BCL9L: variants seen among roughly 807,000 people sequenced by gnomAD.
The protein encoded by BCL9L is BCL9 like.
A neutral mutation model predicts 99.4 loss-of-function variants in BCL9L; 19 were observed. That is an observed-to-expected ratio of 0.19 (90% CI 0.13 to 0.28). BCL9L has a LOEUF of 0.28. BCL9L is among the 10% of genes least tolerant of loss of function. The probability of loss-of-function intolerance (pLI) is 1.00; values close to 1 mark genes in which losing one functional copy is unlikely to be tolerated. For missense variants in BCL9L, 2,023 were observed against 2,101.6 expected (o/e 0.96, Z 0.73); for synonymous variants, 900 against 854.8 (o/e 1.05, Z -0.92).
chr11:118,903,290 G>A lies in BCL9L; in HGVS notation c.695C>T (p.Pro232Leu). 1.3e-6 allele frequency: 2 copies of A among 1,580,182 alleles called. No homozygotes were observed. The highest frequency in any genetic ancestry group is 2.3e-5 in the South Asian group (2 of 86,934). ...PGGGGGGGGV[P>L]GKPPSQFVYV... ...TACGAACTGCGAGGGAGGCTTTCCG[G>A]GGACGCCCCCGCCCCCGCCCCCGCC... Residue 232 changes from proline (P) to leucine (L), a missense_variant, in exon 6 of 10, where the codon CCC (proline) becomes CTC (leucine). Physicochemically the swap from Pro to Leu is moderately conservative, Grantham distance 98. Coordinates refer to ENST00000683865, the MANE Select transcript of BCL9L (RefSeq NM_001378213.1). The surrounding 1 kb of genome is among the most constrained non-coding windows in gnomAD (Gnocchi z 5.6).
chr11:118,907,346 G>C, intron 5 of BCL9L, 137 bp downstream of exon 5: 2 of 1,436,066 alleles, frequency 1.4e-6, no homozygotes, highest in East Asian at 2.3e-5. Flanking sequence ...TGTAGGGAGG[G>C]ACAGAGTCTG....
chr11:118,900,990 G>A lies in BCL9L; in HGVS notation c.2753C>T (p.Thr918Ile), dbSNP rs141828809. The change falls in exon 8 of 10, where the codon ACC (threonine) becomes ATC (isoleucine). Residue 918 changes from threonine (T) to isoleucine (I), a missense_variant. Physicochemically the swap from Thr to Ile is moderately conservative, Grantham distance 89 (BLOSUM62 -1). Around this residue, in one of 3 missense-constraint regions of BCL9L, gnomAD observed 902 missense variants for 888.2 expected, o/e 1.02. Coordinates refer to ENST00000683865, the MANE Select transcript of BCL9L (RefSeq NM_001378213.1). The surrounding 1 kb of genome is among the most constrained non-coding windows in gnomAD (Gnocchi z 5.3). Reference protein sequence around the residue: ...RGLGRRPSDLTISINQMGSPG... With the variant: ...RGLGRRPSDLIISINQMGSPG... ...TGAGCCCATCTGATTAATACTGATG[G>A]TGAGGTCCGAAGGCCGCCTGCCTAG... 6.4e-7 allele frequency: 1 copy of A among 1,553,796 alleles called. No individual in the cohort carries two copies. Among genetic ancestry groups the A allele is most frequent in the Non-Finnish European group, 8.7e-7 (1 of 1,148,898 alleles).
intron 2 of BCL9L, among the ~76,000 whole-genome samples, chr11:118,913,236 CCCCACCCCA>C (rs1940862315): frequency 6.6e-6 from 1 of 152,116 alleles, no homozygotes; most frequent in Non-Finnish European, 1.5e-5. Context: ...GAGTTTCCAG[CCCCACCCCA>C]CCTGCAGCCC....
chr11:118,909,986 C>T lies in BCL9L; in HGVS notation c.-47G>A. ...TACGGCCCCTGTGCGTGCCCAGGGC[C>T]CAGCCAGGTACTCGGTACTGGAGCA... On this transcript the variant is annotated 5_prime_UTR_variant, in exon 3 of 10. Coordinates refer to ENST00000683865, the MANE Select transcript of BCL9L (RefSeq NM_001378213.1). The T allele has an allele frequency of 6.2e-7, 1 of 1,613,686 alleles. No individual in the cohort carries two copies. The highest frequency in any genetic ancestry group is 8.5e-7 in the Non-Finnish European group (1 of 1,179,808).
Position 118,908,547 on chromosome 11 carries a change from G to A in BCL9L, c.135C>T (p.Thr45=), listed in dbSNP as rs755857689. ...AKPMHPENKL[T]NHGKTGNGGA... ...CGCCATTCCCTGTCTTGCCATGATTGGTCAATTTATTTTCTGGGTGCATTG... is the reference window on the plus strand; with the variant it reads ...CGCCATTCCCTGTCTTGCCATGATTAGTCAATTTATTTTCTGGGTGCATTG... The change falls in exon 4 of 10, where the codon ACC becomes ACT. Residue 45 remains threonine, a synonymous_variant. Transcript: ENST00000683865. 6.2e-7 allele frequency: 1 copy of A among 1,614,144 alleles called. No individual in the cohort carries two copies. The highest frequency in any genetic ancestry group is 1.3e-5 in the African/African-American group (1 of 75,034).
At chr11:118,912,472 A>G (rs1565627300) in intron 2 of BCL9L, among the ~76,000 whole-genome samples, 1 of 151,832 alleles carries the variant, frequency 6.6e-6, no homozygotes, top group African/African-American at 2.4e-5. Flanking sequence ...AGGGCCTGAG[A>G]TATCCATCCG....
At chr11:118,906,867 G>A (rs562337713) in intron 5 of BCL9L, among the ~76,000 whole-genome samples, 113 of 152,166 alleles carry the variant, frequency 7.4e-4, no homozygotes, top group Non-Finnish European at 1.2e-3. Context: ...AGATGTAAAC[G>A]TAAACTTTGA....
chr11:118,906,067 T>C (rs1940508415), intron 5 of BCL9L, among the ~76,000 whole-genome samples: 1 of 151,820 alleles, frequency 6.6e-6, no homozygotes. Context: ...GTGTGATACA[T>C]GCCTGAGCCC....
chr11:118,900,575 C>CGCCTGCCTGCCT lies in BCL9L; in HGVS notation c.3124+32_3124+43dup, dbSNP rs756712665. On this transcript the variant is annotated intron_variant, in intron 8 of 9. Transcript: ENST00000683865. The surrounding 1 kb of genome is among the most constrained non-coding windows in gnomAD (Gnocchi z 5.3). ...GCCCCAGCATGGACACACTGCTCAGCGCCTGCCTGCCTGCCTGCCTGCCTG... is the reference window on the plus strand; with the variant it reads ...GCCCCAGCATGGACACACTGCTCAGCGCCTGCCTGCCTGCCTGCCTGCCTGCCTGCCTGCCTG... 1.1e-4 allele frequency: 173 copies of CGCCTGCCTGCCT among 1,558,144 alleles called. No individual in the cohort carries two copies. The African/African-American group carries it at 1.5e-3, about 14-fold the overall frequency.
rs1356398705 is a variant in BCL9L, at chr11:118,903,008, G to A, written c.816C>T (p.Pro272=). 23 of 1,595,892 alleles carry A rather than the reference G, an allele frequency of 1.4e-5. No individual in the cohort carries two copies. Among genetic ancestry groups the A allele is most frequent in the Non-Finnish European group, 1.8e-5 (21 of 1,174,940 alleles). The change falls in exon 7 of 10, where the codon CCC becomes CCT. Residue 272 remains proline (P), a synonymous_variant. Transcript: ENST00000683865. The surrounding 1 kb of genome is among the most constrained non-coding windows in gnomAD (Gnocchi z 5.6). The part of the protein sequence containing the change: ...SILAYHQQNV[P]RAKLDQAPKV... ...CGCTCACCTGGTCAAGCTTGGCCCG[G>A]GGCACGTTCTGCTGGTGGTAGGCGA... is the stretch of plus-strand genomic sequence containing the variant.
chr11:118,914,461 C>T lies in BCL9L; in HGVS notation c.-77+4365G>A, dbSNP rs1940903614. The stretch of plus-strand genomic sequence containing the variant: ...GCATCCTCCTGGCCCCTCACCTCCC[C>T]TGATGGCTCACACTCTTGGCAGCAG... On this transcript the variant is annotated intron_variant, in intron 2 of 9. Transcript: ENST00000683865. This position sits in a 1 kb window ranked among gnomAD's most constrained non-coding sequence, Gnocchi z 4.4. Among the ~76,000 whole-genome samples the T allele has an allele frequency of 6.6e-6, 1 of 152,208 alleles. No homozygotes were observed. Among genetic ancestry groups the T allele is most frequent in the African/African-American group, 2.4e-5 (1 of 41,456 alleles).
rs569876895 is a variant in BCL9L at position 118,924,648 on chromosome 11, C to A, written c.-131+590G>T. 3.3e-5 allele frequency among the ~76,000 whole-genome samples: 5 copies of A among 152,288 alleles called. 1 individual carries two copies. The highest frequency in any genetic ancestry group is 1.2e-4 in the African/African-American group (5 of 41,558). On this transcript the variant is annotated intron_variant, in intron 1 of 9. Coordinates refer to ENST00000683865, the MANE Select transcript of BCL9L (RefSeq NM_001378213.1). ...GGGTTCCTTTGGATCAAGACAGGGG[C>A]CACCTCCCCTTAGCAGCGCAGGGAC...
rs1437788924 is a variant in BCL9L, at chr11:118,914,363, G to T, written c.-76-4348C>A. On this transcript the variant is annotated intron_variant, in intron 2 of 9. Transcript: ENST00000683865. This position sits in a 1 kb window ranked among gnomAD's most constrained non-coding sequence, Gnocchi z 4.4. Reference sequence around the variant, plus strand: ...TGCTGGCACAGCCAAGCGCACCACGGTGGGACCTCACCCAGCGCCCGCCCG... The same window carrying T: ...TGCTGGCACAGCCAAGCGCACCACGTTGGGACCTCACCCAGCGCCCGCCCG... Among the ~76,000 whole-genome samples the T allele has an allele frequency of 6.6e-6, 1 of 152,170 alleles. No homozygotes were observed. Among genetic ancestry groups the T allele is most frequent in the Non-Finnish European group, 1.5e-5 (1 of 68,026 alleles).
intron 2 of BCL9L, among the ~76,000 whole-genome samples, chr11:118,915,900 C>G (rs1157389293): frequency 6.6e-6 from 1 of 152,192 alleles, no homozygotes; most frequent in South Asian, 2.1e-4. Flanking sequence ...CAGGGTGGCC[C>G]CAGAAGCCCC....
chr11:118,915,048 T>C (rs977594381), intron 2 of BCL9L, among the ~76,000 whole-genome samples: 4 of 152,092 alleles, frequency 2.6e-5, no homozygotes, highest in African/African-American at 9.7e-5. Context: ...AGGCAGAGAA[T>C]TGCTTGAACC....
chr11:118,908,082 G>A (rs1219409494), intron 4 of BCL9L, among the ~76,000 whole-genome samples, 188 bp downstream of exon 4: 3 of 152,214 alleles, frequency 2.0e-5, no homozygotes, highest in Non-Finnish European at 4.4e-5. Flanking sequence ...CTCCATGGGT[G>A]GCATCATGGC....
chr11:118,901,927 T>C lies in BCL9L; in HGVS notation c.1816A>G (p.Asn606Asp). Residue 606 changes from asparagine (N) to aspartate (D), a missense_variant, in exon 8 of 10, where the codon AAC becomes GAC. Around this residue, in one of 3 missense-constraint regions of BCL9L, gnomAD observed 1,116 missense variants for 1,194.6 expected, o/e 0.93. Coordinates refer to ENST00000683865, the MANE Select transcript of BCL9L (RefSeq NM_001378213.1). This position sits in a 1 kb window ranked among gnomAD's most constrained non-coding sequence, Gnocchi z 6.6. ...AACCCAGGTACCCGTTGTATCTGGT[T>C]GCCTGGGAAACGGGGCCCAGGAAAG... is the stretch of plus-strand genomic sequence containing the variant. ...PPFPGPRFPG[N>D]QIQRVPGFGG... The C allele has an allele frequency of 1.9e-6, 3 of 1,613,522 alleles. No individual in the cohort carries two copies. Among genetic ancestry groups the C allele is most frequent in the Non-Finnish European group, 1.7e-6 (2 of 1,179,720 alleles).
Position 118,922,212 on chromosome 11 carries a change from C to T in BCL9L, c.-131+3026G>A, listed in dbSNP as rs1423876266. Among the ~76,000 whole-genome samples, 1 of 152,202 alleles carries T rather than the reference C, an allele frequency of 6.6e-6. No individual in the cohort carries two copies. Among genetic ancestry groups the T allele is most frequent in the African/African-American group, 2.4e-5 (1 of 41,454 alleles). On this transcript the variant is annotated intron_variant, in intron 1 of 9. Coordinates refer to ENST00000683865, the MANE Select transcript of BCL9L (RefSeq NM_001378213.1). This position sits in a 1 kb window ranked among gnomAD's most constrained non-coding sequence, Gnocchi z 6.2. ...GGGGCTCAGAGGCCTGGCCCTGGCA[C>T]CAGGCAGAGGAAATTCCAGGCTGTA...
rs1172218475 is a variant in BCL9L, at chr11:118,899,568, G to A, written c.3407-60C>T. ...TGTGCCCAGCTCGGGGAGGGTGCAG[G>A]GCTCAGGCCTTCCCCACTCCCAAGC... On this transcript the variant is annotated intron_variant, in intron 9 of 9. Coordinates refer to ENST00000683865, the MANE Select transcript of BCL9L (RefSeq NM_001378213.1). The A allele has an allele frequency of 2.5e-6, 4 of 1,578,866 alleles. No homozygotes were observed. The African/African-American group carries it at 4.0e-5, about 16-fold the overall frequency.
Sources: allele counts gnomAD v4.1 joint callset (sites outside exome capture counted in the v4.1 genomes callset), GRCh38; gene constraint gnomAD v4.1.1; regional missense constraint gnomAD v4.1.1; non-coding constraint Gnocchi (gnomAD v3.1); transcripts MANE v1.5; gene names NCBI Gene and HGNC (gene_info 2026-07-23, HGNC 2026-07-21).